The following AUTS2 variants were observed in gnomAD, a reference collection of about 807,000 sequenced individuals.
AUTS2 encodes the protein activator of transcription and developmental regulator AUTS2, also known as autism susceptibility gene 2 protein.
AUTS2 carries 17 observed loss-of-function variants against 112.4 expected under a neutral mutation model. The ratio of observed to expected loss-of-function variants is 0.15; its 90% CI spans 0.10 to 0.23. The LOEUF is 0.23. Among genes scored for constraint, AUTS2 ranks in the 10% least tolerant of loss-of-function variants. AUTS2 has a pLI of 1.00. For synonymous variants in AUTS2, 751 were observed against 702.7 expected (o/e 1.07, Z -1.09); for missense variants, 1,510 against 1,701.6 (o/e 0.89, Z 1.98).
intron 2 of AUTS2, among the ~76,000 whole-genome samples, chr7:70,067,467 T>C (rs575038116): frequency 7.9e-5 from 12 of 152,354 alleles, no homozygotes; most frequent in African/African-American, 2.9e-4. Context: ...CCTTTTATAA[T>C]GTTTGTCAAG....
chr7:70,789,371 C>G (rs901018888), intron 18 of AUTS2, among the ~76,000 whole-genome samples: 16 of 152,266 alleles, frequency 1.1e-4, no homozygotes, highest in African/African-American at 3.4e-4. Flanking sequence ...TAGATGATCC[C>G]GGGAGTCCAG....
At chr7:70,785,753 G>T (rs1052742513) in intron 16 of AUTS2, among the ~76,000 whole-genome samples, 1 of 152,224 alleles carries the variant, frequency 6.6e-6, no homozygotes, top group African/African-American at 2.4e-5. Flanking sequence ...TAGAAGAAGA[G>T]TCCTCAGAAA....
At chr7:69,953,232 A>C (rs1189269120) in intron 2 of AUTS2, among the ~76,000 whole-genome samples, 1 of 152,128 alleles carries the variant, frequency 6.6e-6, no homozygotes, top group Non-Finnish European at 1.5e-5. Context: ...CACACTAGAC[A>C]CGCCTGATGC....
At chr7:69,839,306 T>C (rs1791868728) in intron 1 of AUTS2, among the ~76,000 whole-genome samples, 1 of 152,130 alleles carries the variant, frequency 6.6e-6, no homozygotes, top group African/African-American at 2.4e-5. Context: ...TTTGGCTCTT[T>C]TCTCACTCAC....
chr7:70,210,220 A>G (rs370404511), intron 4 of AUTS2, among the ~76,000 whole-genome samples: 85 of 152,274 alleles, frequency 5.6e-4, no homozygotes, highest in African/African-American at 2.0e-3. Flanking sequence ...TTCTGGGTAA[A>G]GTTTTAGCAA....
At chr7:70,729,449 A>C (rs1787235492) in intron 6 of AUTS2, among the ~76,000 whole-genome samples, 1 of 152,128 alleles carries the variant, frequency 6.6e-6, no homozygotes, top group East Asian at 1.9e-4. Flanking sequence ...CCTACCTGGA[A>C]TCCCCAGGGG....
Position 70,118,245 on chromosome 7 carries a change from TAAAAAAAA to T in AUTS2, c.624+27_624+34del. 1.1e-5 allele frequency: 15 copies of T among 1,322,562 alleles called. No homozygotes were observed. Among genetic ancestry groups the T allele is most frequent in the East Asian group, 2.8e-5 (1 of 35,146 alleles). The allele number at this position is 1,322,562 out of a possible 1,614,324, so 81.9% of individuals were successfully genotyped here. A position where few individuals can be genotyped will look rare whatever the true frequency, so the allele number is the denominator to read the frequency against. On this transcript the variant is annotated intron_variant, in intron 3 of 18. Coordinates refer to ENST00000342771, the MANE Select transcript of AUTS2 (RefSeq NM_015570.4). ...AAAGGCTCAGTGATGTAAGTTTAAG[TAAAAAAAA>T]AAAAAAAAAAAAAATTAACGAAAAC...
chr7:70,556,536 TGCCTTGAGGTTGTG>T (rs947805058), intron 5 of AUTS2, among the ~76,000 whole-genome samples: 5 of 152,234 alleles, frequency 3.3e-5, no homozygotes, highest in African/African-American at 1.2e-4. Flanking sequence ...GTTACTTGAC[TGCCTTGAGGTTGTG>T]GCCTCTTGTT....
intron 1 of AUTS2, among the ~76,000 whole-genome samples, chr7:69,723,952 T>G (rs1786370743): frequency 6.6e-6 from 1 of 152,184 alleles, no homozygotes. Flanking sequence ...GACAGACATC[T>G]GCAGCACAGT....
chr7:70,787,242 CCAGTGTG>C lies in AUTS2; in HGVS notation c.2346_2352del (p.Ser782ArgfsTer27). ...TCAATGTTCGGCCACAAGGATGGCC[CCAGTGTG>C]CAGAACTTTAGCAACCCTCACGAAC... On this transcript the variant is annotated frameshift_variant, in exon 18 of 19. Coordinates refer to ENST00000342771, the MANE Select transcript of AUTS2 (RefSeq NM_015570.4). LOFTEE classifies it high-confidence loss of function. The C allele has an allele frequency of 6.2e-7, 1 of 1,614,222 alleles. No homozygotes were observed.
chr7:70,138,832 G>A (rs1405270998), intron 4 of AUTS2, among the ~76,000 whole-genome samples: 1 of 152,174 alleles, frequency 6.6e-6, no homozygotes, highest in Non-Finnish European at 1.5e-5. Context: ...CAGGCAGTAG[G>A]TGCAAAATAT....
At chr7:70,332,661 C>T (rs56314421) in intron 4 of AUTS2, among the ~76,000 whole-genome samples, 1,622 of 152,196 alleles carry the variant, frequency 0.011, 11 homozygotes, top group Admixed American at 0.017. Flanking sequence ...TAACACCACA[C>T]AACTACAACC....
chr7:70,786,670 T>G (rs1361895062), intron 17 of AUTS2, among the ~76,000 whole-genome samples: 1 of 152,158 alleles, frequency 6.6e-6, no homozygotes, highest in Non-Finnish European at 1.5e-5. Flanking sequence ...ATATTCCGGG[T>G]ACAGGAAGAG....
chr7:70,709,875 A>G (rs77812037), intron 6 of AUTS2, among the ~76,000 whole-genome samples: 1,725 of 152,322 alleles, frequency 0.011, 27 homozygotes, highest in African/African-American at 0.039. Flanking sequence ...ACTTGTGAAC[A>G]GGAATAAGCC....
At chr7:70,405,062 T>C (rs1418314081) in intron 4 of AUTS2, among the ~76,000 whole-genome samples, 12 of 152,196 alleles carry the variant, frequency 7.9e-5, no homozygotes, top group Non-Finnish European at 1.6e-4. Context: ...AGCTCCCTCC[T>C]ACCTATAGCA....
chr7:70,024,822 T>A (rs993067203), intron 2 of AUTS2, among the ~76,000 whole-genome samples: 5 of 152,172 alleles, frequency 3.3e-5, no homozygotes, highest in African/African-American at 9.7e-5. Context: ...AGGCCTTCAG[T>A]TGAATGGATA....
chr7:70,493,754 G>A (rs191600458), intron 5 of AUTS2, among the ~76,000 whole-genome samples: 211 of 152,116 alleles, frequency 1.4e-3, no homozygotes, highest in African/African-American at 4.7e-3. Context: ...TGTGATTTCT[G>A]TTAGTTCAGT....
intron 4 of AUTS2, among the ~76,000 whole-genome samples, chr7:70,246,935 G>A (rs1030032474): frequency 4.6e-5 from 7 of 150,596 alleles, no homozygotes; most frequent in African/African-American, 7.3e-5. Context: ...TATTAGATTT[G>A]TTCCCAGGTA....
At chr7:69,875,812 C>G (rs962425381) in intron 1 of AUTS2, among the ~76,000 whole-genome samples, 1 of 152,190 alleles carries the variant, frequency 6.6e-6, no homozygotes, top group Non-Finnish European at 1.5e-5. Context: ...TATGCACCCT[C>G]TCAGTCAACT....
Sources: allele counts gnomAD v4.1 joint callset (sites outside exome capture counted in the v4.1 genomes callset), GRCh38; gene constraint gnomAD v4.1.1; transcripts MANE v1.5; gene names NCBI Gene and HGNC (gene_info 2026-07-23, HGNC 2026-07-21).